YAP1: variants seen among roughly 807,000 people sequenced by gnomAD.
YAP1 encodes the protein transcriptional coactivator YAP1.
Under a neutral mutation model 56.9 loss-of-function variants are expected in YAP1, and 5 were observed. The ratio of observed to expected loss-of-function variants is 0.09; its 90% CI spans 0.05 to 0.18. The LOEUF (loss-of-function observed/expected upper bound fraction) is 0.18. Ranked by LOEUF, YAP1 falls within the 10% of genes least tolerant of loss-of-function variation. YAP1 has a pLI of 1.00. For synonymous variants in YAP1, 265 were observed against 248.1 expected (o/e 1.07, Z -0.64); for missense variants, 539 against 651.8 (o/e 0.83, Z 1.88).
intron 2 of YAP1, among the ~76,000 whole-genome samples, chr11:102,127,263 G>A (rs1036392263): frequency 1.3e-5 from 2 of 152,182 alleles, no homozygotes; most frequent in East Asian, 1.9e-4. Context: ...AGACTTTCAC[G>A]TCAGCCCCTC....
At chr11:102,160,566 C>T (rs1274407684) in intron 2 of YAP1, among the ~76,000 whole-genome samples, 1 of 152,188 alleles carries the variant, frequency 6.6e-6, no homozygotes, top group Non-Finnish European at 1.5e-5. Context: ...AAAAATTCTA[C>T]TCGGCTAGTA....
At chr11:102,158,920 T>G (rs899780201) in intron 2 of YAP1, among the ~76,000 whole-genome samples, 1 of 152,230 alleles carries the variant, frequency 6.6e-6, no homozygotes, top group African/African-American at 2.4e-5. Context: ...TTAGAATTTA[T>G]TAGGATGAGC....
At chr11:102,130,184 A>C (rs1171196238) in intron 2 of YAP1, among the ~76,000 whole-genome samples, 1 of 152,134 alleles carries the variant, frequency 6.6e-6, no homozygotes, top group African/African-American at 2.4e-5. Context: ...AAAAAATTCA[A>C]TATTTTTCTG....
intron 4 of YAP1, among the ~76,000 whole-genome samples, chr11:102,205,151 A>AG (rs1239970031): frequency 1.3e-4 from 15 of 115,948 alleles, no homozygotes; most frequent in African/African-American, 3.3e-4. Flanking sequence ...AGCTTCAAAA[A>AG]AAAATTTTTT....
chr11:102,183,448 A>G (rs1318096112), intron 3 of YAP1, among the ~76,000 whole-genome samples: 2 of 152,078 alleles, frequency 1.3e-5, no homozygotes, highest in Non-Finnish European at 2.9e-5. Flanking sequence ...AAGAAGAGAA[A>G]CCCCTGGTGA....
At position 102,111,142 on chromosome 11, in the gene YAP1, G is replaced by C. The variant is rs560921736; in HGVS notation, c.294G>C (p.Pro98=). 4.3e-6 allele frequency: 7 copies of C among 1,613,146 alleles called. No homozygotes were observed. In the South Asian group the frequency reaches 5.5e-5, roughly 13 times the overall value. Residue 98 remains proline, a synonymous_variant, in exon 1 of 9, where the codon CCG becomes CCC. Transcript: ENST00000282441. The stretch of plus-strand genomic sequence containing the variant: ...AGCTGCCCGACTCCTTCTTCAAGCC[G>C]CCGGAGCCCAAATCCCACTCCCGAC... ...LRKLPDSFFK[P]PEPKSHSRQA... is the part of the protein sequence containing the mutation.
At chr11:102,211,081 A>T (rs1453762129) in intron 6 of YAP1, among the ~76,000 whole-genome samples, 2 of 152,196 alleles carry the variant, frequency 1.3e-5, no homozygotes, top group African/African-American at 4.8e-5. Flanking sequence ...GAAGAATTTT[A>T]TTCATGATAA....
At chr11:102,163,132 A>G (rs1358130392) in intron 3 of YAP1, among the ~76,000 whole-genome samples, 1 of 152,100 alleles carries the variant, frequency 6.6e-6, no homozygotes. Context: ...TATTAAACGC[A>G]TCTTCACCTT....
Position 102,208,572 on chromosome 11 carries a change from C to T in YAP1, c.985-945C>T, listed in dbSNP as rs189629749. On this transcript the variant is annotated intron_variant, in intron 5 of 8. Transcript: ENST00000282441. ...ATTACCATAAAGGAAGAATATTTTT[C>T]GTCTACTATTGTTAGAACACCTTAG... 1.3e-3 allele frequency among the ~76,000 whole-genome samples: 199 copies of T among 151,978 alleles called. 2 individuals are homozygous for T. Among genetic ancestry groups the T allele is most frequent in the Middle Eastern group, 3.4e-3 (1 of 290 alleles).
intron 6 of YAP1, among the ~76,000 whole-genome samples, chr11:102,215,191 C>G (rs1303593771): frequency 6.6e-6 from 1 of 152,008 alleles, no homozygotes; most frequent in East Asian, 1.9e-4. Flanking sequence ...GCATTTTTTT[C>G]TATTTTTAGA....
intron 6 of YAP1, among the ~76,000 whole-genome samples, chr11:102,221,534 G>T (rs1228451839): frequency 6.6e-6 from 1 of 151,978 alleles, no homozygotes; most frequent in South Asian, 2.1e-4. Context: ...GACCAGCTGG[G>T]CAACATGGCA....
intron 3 of YAP1, among the ~76,000 whole-genome samples, chr11:102,179,118 A>G (rs1947437036): frequency 6.8e-6 from 1 of 146,750 alleles, no homozygotes; most frequent in Admixed American, 6.8e-5. Context: ...TCACTATGAA[A>G]TTTGGAGGGG....
intron 4 of YAP1, among the ~76,000 whole-genome samples, chr11:102,189,679 T>G (rs902819482): frequency 6.6e-6 from 1 of 152,226 alleles, no homozygotes; most frequent in African/African-American, 2.4e-5. Context: ...TGATTTTGGT[T>G]CCTTTGTTTC....
At chr11:102,219,889 G>A (rs1444627596) in intron 6 of YAP1, among the ~76,000 whole-genome samples, 3 of 151,712 alleles carry the variant, frequency 2.0e-5, no homozygotes, top group East Asian at 2.0e-4. Flanking sequence ...ACGCCACCAC[G>A]CCTGGCTAAT....
intron 3 of YAP1, among the ~76,000 whole-genome samples, chr11:102,167,022 T>G (rs1946653106): frequency 6.6e-6 from 1 of 152,226 alleles, no homozygotes; most frequent in Non-Finnish European, 1.5e-5. Context: ...GCAAAAATGA[T>G]CAGTATAATT....
chr11:102,188,700 T>C (rs1444973992), intron 4 of YAP1, among the ~76,000 whole-genome samples: 1 of 152,226 alleles, frequency 6.6e-6, no homozygotes, highest in South Asian at 2.1e-4. Flanking sequence ...AGCCTAGGCA[T>C]GTAGTAGGCT....
chr11:102,191,034 C>CT (rs1163392447), intron 4 of YAP1, among the ~76,000 whole-genome samples: 1 of 151,958 alleles, frequency 6.6e-6, no homozygotes, highest in South Asian at 2.1e-4. Context: ...ATTAGCTGGG[C>CT]TGGTGGCACG....
chr11:102,176,627 T>C (rs1332931971), intron 3 of YAP1, among the ~76,000 whole-genome samples: 2 of 150,996 alleles, frequency 1.3e-5, no homozygotes, highest in Non-Finnish European at 2.9e-5. Flanking sequence ...ACCCCTGTAA[T>C]CCCAGCTACT....
chr11:102,168,265 G>C (rs1223511824), intron 3 of YAP1, among the ~76,000 whole-genome samples: 6 of 152,144 alleles, frequency 3.9e-5, no homozygotes, highest in African/African-American at 1.4e-4. Context: ...TGTTAACACT[G>C]ATCCACAAGA....
Sources: allele counts gnomAD v4.1 joint callset (sites outside exome capture counted in the v4.1 genomes callset), GRCh38; gene constraint gnomAD v4.1.1; transcripts MANE v1.5; gene names NCBI Gene and HGNC (gene_info 2026-07-23, HGNC 2026-07-21).